The following SEMA4C variants were observed in gnomAD, a reference collection of about 807,000 sequenced individuals.
SEMA4C encodes semaphorin 4C.
A neutral mutation model predicts 89.0 loss-of-function variants in SEMA4C; 19 were observed. That is an observed-to-expected ratio of 0.21 (90% CI 0.15 to 0.31). SEMA4C has a LOEUF of 0.31. Ranked by LOEUF, SEMA4C falls within the 10% of genes least tolerant of loss-of-function variation. SEMA4C has a pLI of 1.00. For missense variants in SEMA4C, 811 were observed against 1,107.0 expected, an observed-to-expected ratio of 0.73 and a Z score of 3.79; for synonymous variants, 428 against 472.7, an observed-to-expected ratio of 0.91 and a Z score of 1.23.
chr2:96,860,934 C>T lies in SEMA4C; in HGVS notation c.2194G>A (p.Asp732Asn), dbSNP rs754304217. 65 of 1,612,966 alleles carry T rather than the reference C, an allele frequency of 4.0e-5. No individual in the cohort carries two copies. Among genetic ancestry groups the T allele is most frequent in the Non-Finnish European group, 5.2e-5 (61 of 1,180,022 alleles). The change falls in exon 15 of 15, where the codon GAT becomes AAT. Residue 732 changes from aspartate (D) to asparagine (N), a missense_variant. Physicochemically the swap from Asp to Asn is conservative, Grantham distance 23. This residue lies in a region of SEMA4C where 248 missense variants were observed against 269.0 expected (regional missense o/e 0.92). Coordinates refer to ENST00000305476, the MANE Select transcript of SEMA4C (RefSeq NM_017789.5). ...PCPEPDEKLW[D>N]PVGYYYSDGS... ...TCTGAATAGTAGTAACCGACAGGAT[C>T]CCAAAGTTTCTCATCTGGTTCAGGA...
intron 2 of SEMA4C, chr2:96,866,740 G>A (rs527515272): frequency 2.1e-5 from 10 of 479,030 alleles, no homozygotes; most frequent in Non-Finnish European, 4.0e-5. Context: ...TGGCACCTCC[G>A]GCCGCAGGGC....
At position 96,865,422 on chromosome 2, in the gene SEMA4C, A is replaced by G. The variant is rs1251114467; in HGVS notation, c.517+19T>C. On this transcript the variant is annotated intron_variant, in intron 6 of 14. Transcript: ENST00000305476. Reference sequence around the variant, plus strand: ...AGCCCCAAGGACTCACCCAGCCTGCATGGGGGGCAGCCACTCACCCACAAG... The same window carrying G: ...AGCCCCAAGGACTCACCCAGCCTGCGTGGGGGGCAGCCACTCACCCACAAG... 6.2e-7 allele frequency: 1 copy of G among 1,612,204 alleles called. No homozygotes were observed. Among genetic ancestry groups the G allele is most frequent in the Non-Finnish European group, 8.5e-7 (1 of 1,178,624 alleles).
In SEMA4C at chr2:96,861,030, C is replaced by T. The variant is rs759008962; in HGVS notation, c.2098G>A (p.Ala700Thr). The change falls in exon 15 of 15, where the codon GCT becomes ACT. Residue 700 changes from alanine to threonine, a missense_variant. Ala to Thr is a moderately conservative substitution (Grantham distance 58). Transcript: ENST00000305476. The surrounding 1 kb of genome is among the most constrained non-coding windows in gnomAD (Gnocchi z 7.8). ...GGGTACACCAAGGTCCTCTCAGTAG[C>T]CTTGGCCCCTTTCTCCAGCTCTTCC... ...LREELEKGAK[A>T]TERTLVYPLE... 6 of 1,612,956 alleles carry T rather than the reference C, an allele frequency of 3.7e-6. No homozygotes were observed. Among genetic ancestry groups the T allele is most frequent in the East Asian group, 4.5e-5 (2 of 44,890 alleles).
rs772731375 is a variant in SEMA4C, at chr2:96,865,798, G to A, written c.322-34C>T. ...AGAAAGGTGTCCGGTTAGTGAGAGCGCGAGGGCCAGAATGGGAGGAGACGT... is the reference window on the plus strand; with the variant it reads ...AGAAAGGTGTCCGGTTAGTGAGAGCACGAGGGCCAGAATGGGAGGAGACGT... On this transcript the variant is annotated intron_variant, in intron 4 of 14. Coordinates refer to ENST00000305476, the MANE Select transcript of SEMA4C (RefSeq NM_017789.5). The A allele has an allele frequency of 2.4e-5, 38 of 1,613,218 alleles. No homozygotes were observed. In the South Asian group the frequency reaches 3.1e-4, roughly 13 times the overall value.
chr2:96,863,836 G>T (rs201608083), intron 11 of SEMA4C, 42 bp from the exon 12 acceptor site: 2 of 1,605,050 alleles, frequency 1.2e-6, no homozygotes, highest in Admixed American at 1.7e-5. Flanking sequence ...GAGGGCACAA[G>T]GCCGTGGGGC....
chr2:96,870,603 C>A (rs934504341), upstream of SEMA4C: 149 of 985,500 alleles, frequency 1.5e-4, no homozygotes, highest in Admixed American at 5.5e-4. Flanking sequence ...CTGGTCCCTG[C>A]CCTCAAGTCT....
Position 96,861,154 on chromosome 2 carries a change from G to A in SEMA4C, c.1974C>T (p.Pro658=), listed in dbSNP as rs1326141137. The A allele has an allele frequency of 1.9e-6, 3 of 1,610,928 alleles. No homozygotes were observed. Among genetic ancestry groups the A allele is most frequent in the Non-Finnish European group, 1.7e-6 (2 of 1,179,666 alleles). ...GCCACACCAGCCCCAGGTTTTCCAG[G>A]GGGGCCCGGGCCTCCAAGGTCACCG... is the stretch of plus-strand genomic sequence containing the variant. ...GPSVTLEARA[P]LENLGLVWLA... The change falls in exon 15 of 15, where the codon CCC becomes CCT. Residue 658 remains proline (P), a synonymous_variant. Coordinates refer to ENST00000305476, the MANE Select transcript of SEMA4C (RefSeq NM_017789.5). This position sits in a 1 kb window ranked among gnomAD's most constrained non-coding sequence, Gnocchi z 7.8.
chr2:96,861,035 GC>G lies in SEMA4C; in HGVS notation c.2092del (p.Ala698ProfsTer48). 6.2e-7 allele frequency: 1 copy of G among 1,612,928 alleles called. No homozygotes were observed. Among genetic ancestry groups the G allele is most frequent in the East Asian group, 2.2e-5 (1 of 44,886 alleles). ...CACCAAGGTCCTCTCAGTAGCCTTGGCCCCTTTCTCCAGCTCTTCCCGCAGC... is the reference window on the plus strand; with the variant it reads ...CACCAAGGTCCTCTCAGTAGCCTTGGCCCTTTCTCCAGCTCTTCCCGCAGC... ...RRLREELEKG[A>X]KATERTLVYP... is the part of the protein sequence containing the mutation. On this transcript the variant is annotated frameshift_variant, in exon 15 of 15. Coordinates refer to ENST00000305476, the MANE Select transcript of SEMA4C (RefSeq NM_017789.5). LOFTEE classifies it high-confidence loss of function. This position sits in a 1 kb window ranked among gnomAD's most constrained non-coding sequence, Gnocchi z 7.8.
In SEMA4C at chr2:96,859,832, G is replaced by A. The variant is rs541636615; in HGVS notation, c.*794C>T. ...GACACAATAAGTTACACTGTTAGGA[G>A]CCCTCCTCCTAGGGCTGGAAGAGAG... On this transcript the variant is annotated 3_prime_UTR_variant, in exon 15 of 15. Transcript: ENST00000305476. 1 of 152,336 alleles carries A rather than the reference G, an allele frequency of 6.6e-6. No homozygotes were observed. The highest frequency in any genetic ancestry group is 1.9e-4 in the East Asian group (1 of 5,190). The allele number at this position is 152,336 out of a possible 1,614,324, so 9.4% of individuals were successfully genotyped here.
At chr2:96,865,393 A>G in intron 6 of SEMA4C, 48 bp downstream of exon 6, 2 of 1,611,242 alleles carry the variant, frequency 1.2e-6, no homozygotes, top group South Asian at 2.2e-5. Context: ...CCCAAGTGGA[A>G]CCAAGCCCCA....
At position 96,867,933 on chromosome 2, in the gene SEMA4C, G is replaced by T; in HGVS notation, c.-37-10C>A. On this transcript the variant is annotated splice_polypyrimidine_tract_variant and intron_variant, in intron 1 of 14. Transcript: ENST00000305476. ...CTTCAGGCCAGCTGTCCTGCTGAGGGAAAAGACATGGTCAGAAATCACAGC... is the reference window on the plus strand; with the variant it reads ...CTTCAGGCCAGCTGTCCTGCTGAGGTAAAAGACATGGTCAGAAATCACAGC... 1 of 1,612,676 alleles carries T rather than the reference G, an allele frequency of 6.2e-7. No homozygotes were observed. Among genetic ancestry groups the T allele is most frequent in the Non-Finnish European group, 8.5e-7 (1 of 1,179,866 alleles).
At chr2:96,868,389 C>A in intron 1 of SEMA4C, 1 of 996,920 alleles carries the variant, frequency 1.0e-6, no homozygotes, top group Non-Finnish European at 1.2e-6. Flanking sequence ...GTGGGGTAGG[C>A]GGTCGGGAAA....
intron 12 of SEMA4C, chr2:96,862,139 A>G: frequency 1.9e-6 from 1 of 517,416 alleles, no homozygotes; most frequent in South Asian, 2.9e-5. Context: ...ACGTGACGTT[A>G]TTAGAAAGGG....
At chr2:96,870,444 G>A (rs534928977), upstream of SEMA4C, 102 of 903,782 alleles carry the variant, frequency 1.1e-4, no homozygotes, top group South Asian at 2.8e-3. Context: ...ACTCCCGACC[G>A]TGCAGTTGCA....
chr2:96,863,209 CA>C (rs1041002394), intron 12 of SEMA4C: 15 of 967,214 alleles, frequency 1.6e-5, no homozygotes, highest in Admixed American at 1.2e-4. Context: ...GACTCCATCT[CA>C]AAAAAAAACC....
intron 1 of SEMA4C, among the ~76,000 whole-genome samples, 161 bp from the exon 2 acceptor site, chr2:96,868,084 C>G (rs1000633827): frequency 6.6e-6 from 1 of 152,250 alleles, no homozygotes; most frequent in Admixed American, 6.5e-5. Context: ...CCACACTTGG[C>G]CTCTGCCTAA....
chr2:96,865,571 T>C (rs1373343422), intron 5 of SEMA4C, 34 bp from the exon 6 acceptor site: 8 of 1,607,628 alleles, frequency 5.0e-6, no homozygotes, highest in Non-Finnish European at 6.0e-6. Flanking sequence ...GAGGAGATGC[T>C]TAAGGGCAGG....
At chr2:96,866,997 G>A (rs556138922) in intron 2 of SEMA4C, 57 of 225,970 alleles carry the variant, frequency 2.5e-4, no homozygotes, top group African/African-American at 5.2e-4. Flanking sequence ...AGGGAGGTCC[G>A]GAGAAACCAG....
chr2:96,869,353 G>A, intron 1 of SEMA4C: 1 of 985,318 alleles, frequency 1.0e-6, no homozygotes, highest in Non-Finnish European at 1.2e-6. Context: ...CACCCCGAGC[G>A]GCCAGCCGTG....
Sources: gnomAD v4.1 joint callset for allele counts (sites outside exome capture counted in the v4.1 genomes callset) on GRCh38, gnomAD v4.1.1 for gene constraint, gnomAD v4.1.1 regional missense constraint, Gnocchi (gnomAD v3.1) non-coding constraint, MANE v1.5 for transcripts, NCBI Gene and HGNC (gene_info 2026-07-23, HGNC 2026-07-21) for gene names.